Variants in TSC22D3 observed in about 807,000 individuals in gnomAD.
TSC22D3 encodes TSC22 domain family protein 3.
In TSC22D3, 4 loss-of-function variants were observed where a neutral mutation model predicts 11.1. That is an observed-to-expected ratio of 0.36 (90% confidence interval 0.18 to 0.83). The LOEUF (loss-of-function observed/expected upper bound fraction) is 0.83, where lower values mean the gene tolerates loss of function less well. TSC22D3 is among the 40% of genes least tolerant of loss of function. TSC22D3 has a pLI of 0.48. For missense variants in TSC22D3, 118 were observed against 159.4 expected (o/e 0.74, Z 1.40); for synonymous variants, 77 against 70.3 (o/e 1.10, Z -0.48).
chrX:107,754,612 A>G (rs1440307815), intron 1 of TSC22D3, among the ~76,000 whole-genome samples: 1 of 112,279 alleles, frequency 8.9e-6, no homozygotes, highest in Admixed American at 9.4e-5. Flanking sequence ...CTAGCACACA[A>G]TTTAGTATCA....
At chrX:107,744,196 G>C (rs2147761361) in intron 1 of TSC22D3, among the ~76,000 whole-genome samples, 1 of 112,097 alleles carries the variant, frequency 8.9e-6, no homozygotes, top group Admixed American at 9.4e-5. Flanking sequence ...CTGCTGCCCT[G>C]CCCTCTCTGA....
intron 1 of TSC22D3, among the ~76,000 whole-genome samples, chrX:107,754,498 A>C (rs1389055458): frequency 8.9e-6 from 1 of 112,064 alleles, no homozygotes; most frequent in African/African-American, 3.2e-5. Context: ...GCTATAGATA[A>C]TCCACAAAAT....
At chrX:107,752,013 C>T (rs1285852912) in intron 1 of TSC22D3, among the ~76,000 whole-genome samples, 2 of 112,387 alleles carry the variant, frequency 1.8e-5, no homozygotes, top group Non-Finnish European at 3.8e-5. Context: ...ATATCACATT[C>T]GCATTAGCAG....
chrX:107,732,767 G>A (rs895725721), intron 1 of TSC22D3, among the ~76,000 whole-genome samples: 4 of 110,699 alleles, frequency 3.6e-5, no homozygotes, highest in South Asian at 3.8e-4. Context: ...CCTGGGAGTC[G>A]GAAGGCTAAA....
chrX:107,717,538 C>T (rs1927113098), intron 1 of TSC22D3, among the ~76,000 whole-genome samples: 2 of 112,315 alleles, frequency 1.8e-5, no homozygotes, highest in South Asian at 7.4e-4. Flanking sequence ...CTAATCAACT[C>T]AGCTTTCCCC....
chrX:107,718,180 A>AG (rs1467927007), intron 1 of TSC22D3, among the ~76,000 whole-genome samples: 2 of 112,139 alleles, frequency 1.8e-5, no homozygotes, highest in African/African-American at 3.2e-5. Context: ...CCTCAAGCTG[A>AG]GGGAAAAAAA....
intron 1 of TSC22D3, chrX:107,716,466 G>A: frequency 1.0e-6 from 1 of 998,534 alleles, no homozygotes; most frequent in Non-Finnish European, 1.3e-6. Flanking sequence ...GGCTGCAGCA[G>A]CTGGTTTTCA....
At chrX:107,753,659 A>G (rs1929039734) in intron 1 of TSC22D3, among the ~76,000 whole-genome samples, 1 of 111,651 alleles carries the variant, frequency 9.0e-6, no homozygotes, top group Non-Finnish European at 1.9e-5. Flanking sequence ...AGCATCCACA[A>G]CCATATGACA....
chrX:107,722,564 C>T lies in TSC22D3; in HGVS notation c.321-6614G>A, dbSNP rs186588002. On this transcript the variant is annotated intron_variant, in intron 1 of 2. Coordinates refer to ENST00000372383, the MANE Select transcript of TSC22D3 (RefSeq NM_198057.3). Reference sequence around the variant, plus strand: ...CAGCAGGACTGGAAGTATTTATTGGCGACTTATCCAGGAATGCAGTTTAGC... The same window carrying T: ...CAGCAGGACTGGAAGTATTTATTGGTGACTTATCCAGGAATGCAGTTTAGC... Among the ~76,000 whole-genome samples the T allele has an allele frequency of 5.4e-5, 6 of 112,073 alleles. No individual in the cohort carries two copies. In the East Asian group the frequency reaches 1.1e-3, roughly 21 times the overall value.
At chrX:107,717,337 A>G (rs1161588865) in intron 1 of TSC22D3, among the ~76,000 whole-genome samples, 1 of 112,809 alleles carries the variant, frequency 8.9e-6, no homozygotes. Context: ...GAGGGCATTC[A>G]GTAAAGAACA....
chrX:107,756,831 T>C (rs1436862479), intron 1 of TSC22D3, among the ~76,000 whole-genome samples: 1 of 112,720 alleles, frequency 8.9e-6, no homozygotes, highest in Non-Finnish European at 1.9e-5. Flanking sequence ...TCCTCTGCTT[T>C]AGCCCCAGGG....
Position 107,750,271 on chromosome X carries a change from G to T in TSC22D3, c.320+24829C>A, listed in dbSNP as rs779996512. On this transcript the variant is annotated intron_variant, in intron 1 of 2. Transcript: ENST00000372383. ...TTTTTTTTTGGTGGTGTGGCGGAGT[G>T]GGGAGCAGTTGCTCCCTAGGGTGAG... Among the ~76,000 whole-genome samples the T allele has an allele frequency of 2.8e-5, 3 of 107,776 alleles. No homozygotes were observed. The East Asian group carries it at 8.7e-4, about 31-fold the overall frequency. The allele number at this position is 107,776 out of a possible 115,157, so 93.6% of individuals were successfully genotyped here.
chrX:107,745,397 TATC>T (rs1928604440), intron 1 of TSC22D3, among the ~76,000 whole-genome samples: 1 of 112,567 alleles, frequency 8.9e-6, no homozygotes, highest in Admixed American at 9.4e-5. Context: ...TGAAACTAGA[TATC>T]ATGTTTGTTC....
intron 1 of TSC22D3, among the ~76,000 whole-genome samples, chrX:107,750,205 T>G (rs1397766273): frequency 9.0e-6 from 1 of 110,740 alleles, no homozygotes; most frequent in African/African-American, 3.3e-5. Context: ...GTGGGCCAAG[T>G]GGATGTGAGC....
At chrX:107,750,389 C>A (rs1158528454) in intron 1 of TSC22D3, among the ~76,000 whole-genome samples, 1 of 111,122 alleles carries the variant, frequency 9.0e-6, no homozygotes, top group East Asian at 2.8e-4. Flanking sequence ...ATTGGCCAGA[C>A]ATCTTCAGGT....
chrX:107,740,377 A>G (rs1038202135), intron 1 of TSC22D3, among the ~76,000 whole-genome samples: 2 of 111,652 alleles, frequency 1.8e-5, no homozygotes, highest in Non-Finnish European at 3.8e-5. Flanking sequence ...AGGTCAAGAG[A>G]TCGAGACCAT....
intron 1 of TSC22D3, among the ~76,000 whole-genome samples, chrX:107,717,803 G>T (rs1488919218): frequency 8.9e-6 from 1 of 112,133 alleles, no homozygotes; most frequent in African/African-American, 3.2e-5. Flanking sequence ...AGGAGGTGAG[G>T]AGGAGACAGG....
intron 1 of TSC22D3, among the ~76,000 whole-genome samples, chrX:107,767,762 T>C (rs1476314558): frequency 1.8e-5 from 2 of 112,182 alleles, no homozygotes; most frequent in African/African-American, 3.2e-5. Flanking sequence ...GCCCATGGGG[T>C]TCTGTGGAGG....
chrX:107,758,626 G>T (rs781325127), intron 1 of TSC22D3, among the ~76,000 whole-genome samples: 6 of 111,704 alleles, frequency 5.4e-5, no homozygotes, highest in African/African-American at 1.6e-4. Context: ...GGCCAGACCA[G>T]TCTCTCTTTG....
Sources: gnomAD v4.1 joint callset for allele counts (sites outside exome capture counted in the v4.1 genomes callset) on GRCh38, gnomAD v4.1.1 for gene constraint, MANE v1.5 for transcripts, NCBI Gene and HGNC (gene_info 2026-07-23, HGNC 2026-07-21) for gene names.